Variants in GAN observed in about 807,000 individuals in gnomAD.
GAN encodes the protein gigaxonin.
Under a neutral mutation model 71.3 loss-of-function variants are expected in GAN, and 48 were observed. That is an observed-to-expected ratio of 0.67 (90% CI 0.53 to 0.86). The LOEUF is 0.86. GAN is among the 40% of genes least tolerant of loss of function. The pLI is 0.00. For synonymous variants in GAN, 386 were observed against 276.8 expected (o/e 1.39, Z -3.92); for missense variants, 928 against 770.1 (o/e 1.21, Z -2.43).
intron 6 of GAN, among the ~76,000 whole-genome samples, chr16:81,363,257 G>GGT (rs78486742): frequency 0.026 from 4,035 of 152,282 alleles, 105 homozygotes; most frequent in East Asian, 0.12. Flanking sequence ...TTGAACCAGA[G>GGT]GTAACAGTTC....
chr16:81,350,596 A>G (rs1910267934), intron 1 of GAN, among the ~76,000 whole-genome samples: 1 of 151,478 alleles, frequency 6.6e-6, no homozygotes, highest in Non-Finnish European at 1.5e-5. Flanking sequence ...GCTTACTGCA[A>G]CCTCCATCTC....
chr16:81,351,435 C>T (rs1439808887), intron 1 of GAN, 148 bp from the exon 2 acceptor site: 4 of 618,946 alleles, frequency 6.5e-6, no homozygotes, highest in Non-Finnish European at 5.7e-6. Context: ...TATAGAAATA[C>T]ATAGACCTAA....
chr16:81,362,105 G>A (rs1036041326), intron 5 of GAN, among the ~76,000 whole-genome samples: 2 of 152,200 alleles, frequency 1.3e-5, no homozygotes, highest in African/African-American at 4.8e-5. Context: ...GCACACGGAT[G>A]CCTCAGATCT....
intron 1 of GAN, among the ~76,000 whole-genome samples, chr16:81,345,472 C>A (rs955988832): frequency 6.6e-6 from 1 of 152,134 alleles, no homozygotes; most frequent in African/African-American, 2.4e-5. Context: ...TGGAAACCAT[C>A]ATTCTCAGCA....
At chr16:81,334,696 C>T (rs1946286) in intron 1 of GAN, among the ~76,000 whole-genome samples, 51,815 of 151,932 alleles carry the variant, frequency 0.34, 9,941 homozygotes, top group East Asian at 0.72. Flanking sequence ...AGAAAGTATC[C>T]CCTTCTCATT....
rs1471733219 is a variant in GAN at position 81,390,543 on chromosome 16, G to A, written c.*12947G>A. ...AGGACCTGTGCTTGGGGAACATTTT[G>A]CCATCATGCTGTTCTCTTGTACCAA... On this transcript the variant is annotated 3_prime_UTR_variant, in exon 11 of 11. Transcript: ENST00000648994. 6.6e-6 allele frequency: 1 copy of A among 152,192 alleles called. No homozygotes were observed. Among genetic ancestry groups the A allele is most frequent in the African/African-American group, 2.4e-5 (1 of 41,442 alleles). The allele number at this position is 152,192 out of a possible 1,614,324, so 9.4% of individuals were successfully genotyped here. A position where few individuals can be genotyped will look rare whatever the true frequency, so the allele number is the denominator to read the frequency against.
intron 5 of GAN, among the ~76,000 whole-genome samples, chr16:81,360,798 T>C (rs1910648181): frequency 6.6e-6 from 1 of 152,246 alleles, no homozygotes; most frequent in Non-Finnish European, 1.5e-5. Context: ...AAAAAAATCA[T>C]CTTTCTGGTT....
chr16:81,380,585 C>G lies in GAN; in HGVS notation c.*2989C>G, dbSNP rs1260109564. 1 of 152,120 alleles carries G rather than the reference C, an allele frequency of 6.6e-6. No homozygotes were observed. Among genetic ancestry groups the G allele is most frequent in the African/African-American group, 2.4e-5 (1 of 41,414 alleles). The allele number at this position is 152,120 out of a possible 1,614,324, so 9.4% of individuals were successfully genotyped here. ...GTGAGTTGTACGTGTGTGTGTGATG[C>G]TATTTGACCTGATAAATGTATTTGT... On this transcript the variant is annotated 3_prime_UTR_variant, in exon 11 of 11. Transcript: ENST00000648994.
chr16:81,334,055 C>T (rs1267386174), intron 1 of GAN, among the ~76,000 whole-genome samples: 1 of 152,228 alleles, frequency 6.6e-6, no homozygotes, highest in East Asian at 1.9e-4. Context: ...AGATAAATTT[C>T]TCCTTTCTTC....
intron 8 of GAN, 80 bp downstream of exon 8, chr16:81,365,190 T>C: frequency 1.3e-6 from 2 of 1,575,896 alleles, no homozygotes; most frequent in Non-Finnish European, 1.7e-6. Flanking sequence ...CTGGCTTTTG[T>C]TCTTTTCTTT....
At position 81,354,703 on chromosome 16, in the gene GAN, A is replaced by T. The variant is rs1567491555; in HGVS notation, c.581A>T (p.Tyr194Phe). 2 of 1,612,820 alleles carry T rather than the reference A, an allele frequency of 1.2e-6. No individual in the cohort carries two copies. Among genetic ancestry groups the T allele is most frequent in the Admixed American group, 3.3e-5 (2 of 60,004 alleles). ...LEKLNVGNERYVFEAVIRWIA... is the reference protein window; with the variant it reads ...LEKLNVGNERFVFEAVIRWIA... ...AAGTTAAACGTTGGCAATGAAAGAT[A>T]TGTCTTTGAAGCAGTAATTCGATGG... is the stretch of plus-strand genomic sequence containing the variant. The change falls in exon 3 of 11, where the codon TAT becomes TTT. Residue 194 changes from tyrosine (Y) to phenylalanine (F), a missense_variant. By Grantham distance (22) the Tyr-to-Phe change is conservative. Coordinates refer to ENST00000648994, the MANE Select transcript of GAN (RefSeq NM_022041.4).
rs759342719 is a variant in GAN at position 81,362,540 on chromosome 16, C to G, written c.1015C>G (p.Gln339Glu). ...ATTCGGGGGCCAAGATGAAAATAAG[C>G]AGACTCTTAGCTCAGGAGAAAAGTA... Reference protein sequence around the residue: ...FVFGGQDENKQTLSSGEKYDP... With the variant: ...FVFGGQDENKETLSSGEKYDP... The change falls in exon 6 of 11, where the codon CAG (glutamine) becomes GAG (glutamate). Residue 339 changes from glutamine to glutamate, a missense_variant. By Grantham distance (29) the Gln-to-Glu change is conservative (BLOSUM62 2). Transcript: ENST00000648994. 25 of 1,609,548 alleles carry G rather than the reference C, an allele frequency of 1.6e-5. No homozygotes were observed. The South Asian group carries it at 2.5e-4, about 16-fold the overall frequency.
At chr16:81,369,465 T>A (rs746750019) in intron 9 of GAN, among the ~76,000 whole-genome samples, 28 of 152,110 alleles carry the variant, frequency 1.8e-4, no homozygotes, top group Non-Finnish European at 3.8e-4. Context: ...TCTTGGAAAA[T>A]TTTTATTTCA....
At chr16:81,316,572 C>T (rs1210772754) in intron 1 of GAN, among the ~76,000 whole-genome samples, 1 of 152,194 alleles carries the variant, frequency 6.6e-6, no homozygotes, top group Non-Finnish European at 1.5e-5. Context: ...CAGCTTCTAG[C>T]TGGCAGTTCC....
chr16:81,355,589 C>T (rs1366696465), intron 3 of GAN, among the ~76,000 whole-genome samples: 1 of 152,184 alleles, frequency 6.6e-6, no homozygotes, highest in East Asian at 1.9e-4. Context: ...TCTCAAACTC[C>T]TGTGCTCAAG....
chr16:81,332,807 A>G (rs1389658793), intron 1 of GAN, among the ~76,000 whole-genome samples: 1 of 152,104 alleles, frequency 6.6e-6, no homozygotes, highest in Admixed American at 6.6e-5. Context: ...ATTAGATTGG[A>G]TGGGAGGGTT....
intron 1 of GAN, among the ~76,000 whole-genome samples, chr16:81,332,543 C>T (rs904593681): frequency 5.3e-5 from 8 of 152,210 alleles, no homozygotes; most frequent in Admixed American, 6.5e-5. Flanking sequence ...CCTGCAAGTG[C>T]TCAGCCAACC....
chr16:81,328,145 A>C (rs1567480217), intron 1 of GAN, among the ~76,000 whole-genome samples: 1 of 152,254 alleles, frequency 6.6e-6, no homozygotes, highest in South Asian at 2.1e-4. Flanking sequence ...AATGACGCGA[A>C]CTAGATTTAA....
At chr16:81,351,431 A>G (rs1379009652) in intron 1 of GAN, 152 bp from the exon 2 acceptor site, 2 of 612,212 alleles carry the variant, frequency 3.3e-6, no homozygotes, top group Non-Finnish European at 5.8e-6. Flanking sequence ...AAGTTATAGA[A>G]ATACATAGAC....
Sources: gnomAD v4.1 joint callset for allele counts (sites outside exome capture counted in the v4.1 genomes callset) on GRCh38, gnomAD v4.1.1 for gene constraint, MANE v1.5 for transcripts, NCBI Gene and HGNC (gene_info 2026-07-23, HGNC 2026-07-21) for gene names.